The following TMTC2 variants were observed in gnomAD, a reference collection of about 807,000 sequenced individuals.
TMTC2 encodes transmembrane O-mannosyltransferase targeting cadherins 2.
Under a neutral mutation model 82.4 loss-of-function variants are expected in TMTC2, and 43 were observed. That is an observed-to-expected ratio of 0.52 (90% CI 0.41 to 0.67). The LOEUF (loss-of-function observed/expected upper bound fraction) is 0.67, where lower values mean the gene tolerates loss of function less well. Among genes scored for constraint, TMTC2 ranks in the 30% least tolerant of loss-of-function variants. The pLI is 0.00. For synonymous variants in TMTC2, 408 were observed against 381.9 expected (o/e 1.07, Z -0.80); for missense variants, 919 against 1,012.4 (o/e 0.91, Z 1.25).
chr12:82,723,442 AT>A (rs1455109908), intron 1 of TMTC2, among the ~76,000 whole-genome samples: 1 of 152,166 alleles, frequency 6.6e-6, no homozygotes, highest in Non-Finnish European at 1.5e-5. Context: ...AACTAAAAAT[AT>A]TTCTGATTTT....
intron 8 of TMTC2, among the ~76,000 whole-genome samples, chr12:83,011,030 T>C (rs1880432224): frequency 6.6e-6 from 1 of 152,150 alleles, no homozygotes; most frequent in Admixed American, 6.5e-5. Context: ...AGATGGGGTT[T>C]TGCCATGTTG....
intron 1 of TMTC2, among the ~76,000 whole-genome samples, chr12:82,691,323 C>A (rs1205302018): frequency 6.7e-6 from 1 of 149,508 alleles, no homozygotes; most frequent in Admixed American, 6.7e-5. Flanking sequence ...TTCCACTGTG[C>A]AGTAATTTTT....
chr12:82,828,964 G>A (rs1043211105), intron 1 of TMTC2, among the ~76,000 whole-genome samples: 9 of 152,030 alleles, frequency 5.9e-5, no homozygotes, highest in Admixed American at 5.2e-4. Flanking sequence ...AAATGGAAAA[G>A]GTAATTTGAC....
At chr12:82,800,721 CT>C (rs1878948996) in intron 1 of TMTC2, among the ~76,000 whole-genome samples, 2 of 152,116 alleles carry the variant, frequency 1.3e-5, no homozygotes, top group South Asian at 4.1e-4. Context: ...CACCTCCACA[CT>C]TTTTTTGCAG....
chr12:82,912,032 T>C (rs2137211153), intron 3 of TMTC2, among the ~76,000 whole-genome samples: 1 of 152,350 alleles, frequency 6.6e-6, no homozygotes, highest in Non-Finnish European at 1.5e-5. Flanking sequence ...TAATTCCCAA[T>C]AATACCAGCT....
chr12:83,063,843 G>A lies in TMTC2; in HGVS notation c.2331+2012G>A, dbSNP rs115170065. Among the ~76,000 whole-genome samples, 1,229 of 151,986 alleles carry A rather than the reference G, an allele frequency of 8.1e-3. 20 individuals carry two copies. The highest frequency in any genetic ancestry group is 0.028 in the African/African-American group (1,177 of 41,508). On this transcript the variant is annotated intron_variant, in intron 11 of 11. Coordinates refer to ENST00000321196, the MANE Select transcript of TMTC2 (RefSeq NM_152588.3). The stretch of plus-strand genomic sequence containing the variant: ...GAGCTAGTATGTCAGACAGTGATAA[G>A]TGCTTTGGAGAAAGCTGGAGCAGCA...
At chr12:82,727,844 CA>C (rs58681807) in intron 1 of TMTC2, among the ~76,000 whole-genome samples, 9,493 of 144,988 alleles carry the variant, frequency 0.065, 289 homozygotes, top group East Asian at 0.16. Flanking sequence ...TAAGAAAGGC[CA>C]AAAAAAAAAA....
chr12:82,977,771 A>C (rs771284876), intron 7 of TMTC2, among the ~76,000 whole-genome samples: 6 of 151,806 alleles, frequency 4.0e-5, no homozygotes, highest in Non-Finnish European at 8.9e-5. Context: ...GTTGTGTTTT[A>C]AAAAGATAAT....
chr12:82,931,164 A>G (rs769124299), intron 4 of TMTC2, among the ~76,000 whole-genome samples: 1 of 152,058 alleles, frequency 6.6e-6, no homozygotes, highest in Admixed American at 6.6e-5. Context: ...CTTGCCTCAC[A>G]CTGCAAAGTG....
At chr12:83,086,244 A>G (rs943145534) in intron 11 of TMTC2, among the ~76,000 whole-genome samples, 8 of 151,028 alleles carry the variant, frequency 5.3e-5, no homozygotes, top group African/African-American at 1.7e-4. Flanking sequence ...TTACTTCCCT[A>G]TGGCGCAGTG....
At chr12:82,876,075 A>G (rs2253384) in intron 2 of TMTC2, among the ~76,000 whole-genome samples, 79,874 of 109,078 alleles carry the variant, frequency 0.73, 29,557 homozygotes, top group Non-Finnish European at 0.81. Context: ...GGTGATGATG[A>G]TGATGGTGAT....
chr12:83,102,401 C>G (rs1019299954), intron 11 of TMTC2, among the ~76,000 whole-genome samples: 22 of 152,282 alleles, frequency 1.4e-4, no homozygotes, highest in Admixed American at 1.4e-3. Context: ...CCTTCCTTCT[C>G]ATTTTGTGAG....
chr12:83,105,751 C>G (rs1884371469), intron 11 of TMTC2, among the ~76,000 whole-genome samples: 1 of 152,164 alleles, frequency 6.6e-6, no homozygotes, highest in Non-Finnish European at 1.5e-5. Context: ...GGTGGTAGTA[C>G]TCTGGCTTTT....
intron 1 of TMTC2, among the ~76,000 whole-genome samples, chr12:82,743,311 C>T (rs1401330767): frequency 3.3e-5 from 5 of 151,874 alleles, no homozygotes; most frequent in Non-Finnish European, 5.9e-5. Context: ...AATGGTGGTG[C>T]GTTCCTGTAA....
chr12:82,749,495 GT>G (rs1006676347), intron 1 of TMTC2, among the ~76,000 whole-genome samples: 10 of 150,844 alleles, frequency 6.6e-5, no homozygotes, highest in African/African-American at 2.2e-4. Flanking sequence ...ATGCTTTTTT[GT>G]TTTTTTTTAA....
intron 1 of TMTC2, among the ~76,000 whole-genome samples, chr12:82,707,916 C>T (rs1167631134): frequency 6.6e-6 from 1 of 152,018 alleles, no homozygotes; most frequent in Non-Finnish European, 1.5e-5. Context: ...TCATGTAGGC[C>T]CACAGAATTA....
intron 7 of TMTC2, among the ~76,000 whole-genome samples, chr12:82,969,812 A>T (rs150409947): frequency 9.5e-4 from 144 of 152,310 alleles, no homozygotes; most frequent in African/African-American, 3.4e-3. Context: ...TAGGACCAAG[A>T]TGTTTGAGTA....
chr12:82,844,144 T>C (rs1870498929), intron 1 of TMTC2, among the ~76,000 whole-genome samples: 1 of 152,232 alleles, frequency 6.6e-6, no homozygotes, highest in Admixed American at 6.5e-5. Flanking sequence ...GTTTTCAGGC[T>C]GAGGAGTCAG....
At chr12:83,083,665 C>T (rs749345152) in intron 11 of TMTC2, among the ~76,000 whole-genome samples, 203 of 152,164 alleles carry the variant, frequency 1.3e-3, no homozygotes, top group Non-Finnish European at 1.3e-3. Flanking sequence ...TCTGTGCCAA[C>T]TTCTTGTGCT....
Sources: allele counts gnomAD v4.1 joint callset (sites outside exome capture counted in the v4.1 genomes callset), GRCh38; gene constraint gnomAD v4.1.1; transcripts MANE v1.5; gene names NCBI Gene and HGNC (gene_info 2026-07-23, HGNC 2026-07-21).